Variants in CLYBL observed in about 807,000 individuals in gnomAD.
CLYBL encodes citramalyl-CoA lyase, mitochondrial.
In CLYBL, 31 loss-of-function variants were observed where a neutral mutation model predicts 38.9. The ratio of observed to expected loss-of-function variants is 0.80; its 90% CI spans 0.60 to 1.08. CLYBL has a LOEUF of 1.08. Ranked by LOEUF, CLYBL falls within the 50% of genes least tolerant of loss-of-function variation. CLYBL has a pLI of 0.00. For synonymous variants in CLYBL, 171 were observed against 158.6 expected, an observed-to-expected ratio of 1.08 and a Z score of -0.59; for missense variants, 434 against 411.6, an observed-to-expected ratio of 1.05 and a Z score of -0.47.
intron 7 of CLYBL, among the ~76,000 whole-genome samples, chr13:99,888,096 T>G (rs1488277346): frequency 6.6e-6 from 1 of 152,070 alleles, no homozygotes; most frequent in Admixed American, 6.5e-5. Flanking sequence ...CCTCAGGTGA[T>G]CCATCCGCCT....
At chr13:99,876,550 G>T (rs1594239838) in intron 7 of CLYBL, among the ~76,000 whole-genome samples, 1 of 151,550 alleles carries the variant, frequency 6.6e-6, no homozygotes, top group Non-Finnish European at 1.5e-5. Flanking sequence ...CTTTATCCAG[G>T]TTCATATTTT....
chr13:99,860,412 A>G (rs2051572818), intron 3 of CLYBL, among the ~76,000 whole-genome samples: 1 of 152,084 alleles, frequency 6.6e-6, no homozygotes, highest in Non-Finnish European at 1.5e-5. Context: ...ACCCGTATTC[A>G]AGGACCAGTT....
intron 1 of CLYBL, among the ~76,000 whole-genome samples, chr13:99,658,745 C>G (rs4772227): frequency 0.27 from 41,374 of 152,012 alleles, 6,733 homozygotes; most frequent in East Asian, 0.58. Flanking sequence ...TCCCCCAAAA[C>G]CAAACAACAA....
At chr13:99,616,840 C>G (rs921359040) in intron 1 of CLYBL, among the ~76,000 whole-genome samples, 15 of 152,072 alleles carry the variant, frequency 9.9e-5, no homozygotes, top group Non-Finnish European at 2.2e-4. Context: ...CCTGTAGTCC[C>G]AGCTACTCAG....
chr13:99,835,030 A>G (rs1377067639), intron 2 of CLYBL, among the ~76,000 whole-genome samples: 2 of 152,170 alleles, frequency 1.3e-5, no homozygotes, highest in Non-Finnish European at 1.5e-5. Context: ...GAGAAAGGGA[A>G]TTCTCCAAGA....
intron 1 of CLYBL, among the ~76,000 whole-genome samples, chr13:99,668,601 A>C (rs1238489543): frequency 6.8e-6 from 1 of 147,098 alleles, no homozygotes; most frequent in Non-Finnish European, 1.5e-5. Flanking sequence ...AAAAAAAAAG[A>C]AAAAAAGAAT....
chr13:99,712,713 G>A (rs1268814938), intron 1 of CLYBL, among the ~76,000 whole-genome samples: 2 of 152,040 alleles, frequency 1.3e-5, no homozygotes, highest in Non-Finnish European at 2.9e-5. Context: ...TCAATATTAA[G>A]CAATATACCC....
At chr13:99,715,446 G>A (rs1245829964) in intron 1 of CLYBL, among the ~76,000 whole-genome samples, 8 of 144,824 alleles carry the variant, frequency 5.5e-5, no homozygotes, top group Non-Finnish European at 1.0e-4. Flanking sequence ...AGTCTCACTC[G>A]GACTGGAGTG....
chr13:99,793,033 A>AACACACACACACAC (rs10631674), intron 2 of CLYBL, among the ~76,000 whole-genome samples: 6 of 145,946 alleles, frequency 4.1e-5, no homozygotes, highest in African/African-American at 1.3e-4. Context: ...GTGCATACAT[A>AACACACACACACAC]ACACACACAC....
At chr13:99,842,029 GC>G (rs1189575497) in intron 2 of CLYBL, among the ~76,000 whole-genome samples, 1 of 151,854 alleles carries the variant, frequency 6.6e-6, no homozygotes, top group Admixed American at 6.6e-5. Flanking sequence ...TGTTGACCAG[GC>G]TGGTCTCCAA....
intron 2 of CLYBL, among the ~76,000 whole-genome samples, chr13:99,787,754 G>C (rs2049828444): frequency 6.6e-6 from 1 of 152,188 alleles, no homozygotes; most frequent in Non-Finnish European, 1.5e-5. Context: ...TTGGTAGCTT[G>C]ATGGGGATGG....
intron 1 of CLYBL, among the ~76,000 whole-genome samples, chr13:99,744,845 T>C (rs555407026): frequency 6.6e-6 from 1 of 152,336 alleles, no homozygotes; most frequent in African/African-American, 2.4e-5. Context: ...TGTCTGCTAC[T>C]GGGTGCTTCA....
At position 99,768,192 on chromosome 13, in the gene CLYBL, C is replaced by CTTTTTTTTTTTTT. The variant is rs58499426; in HGVS notation, c.63-4624_63-4612dup. Among the ~76,000 whole-genome samples, 90 of 102,634 alleles carry CTTTTTTTTTTTTT rather than the reference C, an allele frequency of 8.8e-4. 2 individuals are homozygous for CTTTTTTTTTTTTT. The highest frequency in any genetic ancestry group is 1.0e-3 in the Non-Finnish European group (57 of 54,670). The allele number at this position is 102,634 out of a possible 152,430, so 67.3% of individuals were successfully genotyped here. ...AGGTCTCCTCAAGTCTTTTCTTTTTCTTTTTTTTTTTTTTTTTTTTGAGCA... is the reference window on the plus strand; with the variant it reads ...AGGTCTCCTCAAGTCTTTTCTTTTTCTTTTTTTTTTTTTTTTTTTTTTTTTTTTTTTTTGAGCA... On this transcript the variant is annotated intron_variant, in intron 1 of 8. Coordinates refer to ENST00000339105, the MANE Select transcript of CLYBL (RefSeq NM_206808.5).
chr13:99,891,438 G>A lies in CLYBL; in HGVS notation c.*24+1G>A, dbSNP rs1036356004. On this transcript the variant is annotated splice_donor_variant, in intron 8 of 8. Coordinates refer to ENST00000339105, the MANE Select transcript of CLYBL (RefSeq NM_206808.5). LOFTEE classifies it low-confidence loss of function (3UTR_SPLICE). ...ATCTGTTAAATGAAGCTGTCATCAG[G>A]TGGGCTGAACATATACAGTGGGGTT... 6.4e-7 allele frequency: 1 copy of A among 1,553,696 alleles called. No homozygotes were observed. The highest frequency in any genetic ancestry group is 1.4e-5 in the African/African-American group (1 of 73,722).
intron 1 of CLYBL, among the ~76,000 whole-genome samples, chr13:99,731,137 C>A (rs1197732579): frequency 3.3e-5 from 5 of 149,492 alleles, no homozygotes; most frequent in Non-Finnish European, 7.4e-5. Flanking sequence ...AGGAGGGGTC[C>A]TGGTTTTGTT....
chr13:99,668,366 C>T (rs2047514416), intron 1 of CLYBL, among the ~76,000 whole-genome samples: 2 of 152,026 alleles, frequency 1.3e-5, no homozygotes, highest in Admixed American at 1.3e-4. Context: ...AGGTGGATCA[C>T]CTGAGGCCAG....
At chr13:99,752,316 T>G (rs1232718916) in intron 1 of CLYBL, among the ~76,000 whole-genome samples, 2 of 152,120 alleles carry the variant, frequency 1.3e-5, no homozygotes, top group African/African-American at 4.8e-5. Context: ...GAGTCCATTC[T>G]TTCATTCATT....
chr13:99,892,993 G>C (rs1406416230), downstream of CLYBL: 1 of 152,312 alleles, frequency 6.6e-6, no homozygotes, highest in Non-Finnish European at 1.5e-5. Flanking sequence ...GATGGCTCTG[G>C]GGATCCTCAT....
chr13:99,890,595 A>ACT (rs1213780260), intron 7 of CLYBL, among the ~76,000 whole-genome samples: 1 of 152,086 alleles, frequency 6.6e-6, no homozygotes, highest in Non-Finnish European at 1.5e-5. Flanking sequence ...CCTCCCGAGT[A>ACT]GCTGGGAGTA....
Sources: allele counts gnomAD v4.1 joint callset (sites outside exome capture counted in the v4.1 genomes callset), GRCh38; gene constraint gnomAD v4.1.1; transcripts MANE v1.5; gene names NCBI Gene and HGNC (gene_info 2026-07-23, HGNC 2026-07-21).